Variants in CSGALNACT1 observed in about 807,000 individuals in gnomAD.
CSGALNACT1 encodes the protein beta4GalNAcT-1.
CSGALNACT1 carries 52 observed loss-of-function variants against 51.0 expected under a neutral mutation model. The ratio of observed to expected loss-of-function variants is 1.02; its 90% CI spans 0.82 to 1.29. CSGALNACT1 has a LOEUF of 1.29. CSGALNACT1 is among the 50% of genes most tolerant of loss of function. The pLI, the probability that CSGALNACT1 is intolerant of heterozygous loss-of-function variation, is 0.00. For synonymous variants in CSGALNACT1, 341 were observed against 254.4 expected (o/e 1.34, Z -3.24); for missense variants, 935 against 679.2 (o/e 1.38, Z -4.19).
chr8:19,475,378 G>T (rs1247645511), intron 4 of CSGALNACT1, among the ~76,000 whole-genome samples: 12 of 152,114 alleles, frequency 7.9e-5, no homozygotes, highest in Non-Finnish European at 1.8e-4. Flanking sequence ...ATCTTGGTTT[G>T]GTGGTTTGCT....
At chr8:19,414,440 G>T (rs559657328) in intron 8 of CSGALNACT1, among the ~76,000 whole-genome samples, 1 of 152,094 alleles carries the variant, frequency 6.6e-6, no homozygotes, top group Non-Finnish European at 1.5e-5. Context: ...CTTTCTCAGC[G>T]AACTGTTTCT....
chr8:19,510,305 T>C (rs2078223277), intron 3 of CSGALNACT1, among the ~76,000 whole-genome samples: 1 of 152,180 alleles, frequency 6.6e-6, no homozygotes, highest in African/African-American at 2.4e-5. Flanking sequence ...GGCTTCTTCA[T>C]GGTCTTCTGT....
chr8:19,492,916 C>A (rs2074666881), intron 4 of CSGALNACT1, among the ~76,000 whole-genome samples: 1 of 152,052 alleles, frequency 6.6e-6, no homozygotes, highest in Non-Finnish European at 1.5e-5. Context: ...AGTCTTCTTT[C>A]TTTTAGTTTG....
At chr8:19,497,600 G>A (rs770718656) in intron 4 of CSGALNACT1, among the ~76,000 whole-genome samples, 33 of 152,094 alleles carry the variant, frequency 2.2e-4, no homozygotes, top group Non-Finnish European at 2.8e-4. Context: ...CAATTATATG[G>A]GTCACTTCTG....
intron 1 of CSGALNACT1, among the ~76,000 whole-genome samples, chr8:19,663,597 T>G (rs2058947951): frequency 6.6e-6 from 1 of 152,210 alleles, no homozygotes; most frequent in Non-Finnish European, 1.5e-5. Flanking sequence ...TGGTACCTCC[T>G]TAAGCTTCAA....
intron 6 of CSGALNACT1, among the ~76,000 whole-genome samples, chr8:19,432,404 A>G (rs2059772987): frequency 6.6e-6 from 1 of 152,144 alleles, no homozygotes. Context: ...TATAAGTTTA[A>G]TGTGGATTTC....
rs572917956 is a variant in CSGALNACT1 at position 19,589,079 on chromosome 8, G to A, written c.-297+2081C>T. Among the ~76,000 whole-genome samples, 25 of 152,272 alleles carry A rather than the reference G, an allele frequency of 1.6e-4. 1 individual carries two copies. The South Asian group carries it at 5.2e-3, about 32-fold the overall frequency. On this transcript the variant is annotated intron_variant, in intron 3 of 9. Transcript: ENST00000454498. ...TTGACAGCAAAGATCGGCTGACTAT[G>A]TTTGTGGTCCTTTCCCATATGCCAT...
intron 5 of CSGALNACT1, chr8:19,457,637 C>G: frequency 7.9e-7 from 1 of 1,272,788 alleles, no homozygotes; most frequent in Non-Finnish European, 1.0e-6. Flanking sequence ...AAAAAATCAG[C>G]TTGATCTTTC....
At chr8:19,547,057 C>T (rs2086642823) in intron 3 of CSGALNACT1, among the ~76,000 whole-genome samples, 1 of 152,196 alleles carries the variant, frequency 6.6e-6, no homozygotes, top group Admixed American at 6.5e-5. Flanking sequence ...AGTAGACTCT[C>T]CTGGGTTTTC....
At chr8:19,506,011 C>A (rs1015709085) in exon 4 of CSGALNACT1, 3 of 733,144 alleles carry the variant, frequency 4.1e-6, no homozygotes, top group Non-Finnish European at 7.2e-6. Context: ...CACAGAGCAG[C>A]TTCTCTACTT....
At chr8:19,568,272 C>A (rs1227312258) in intron 3 of CSGALNACT1, among the ~76,000 whole-genome samples, 1 of 152,072 alleles carries the variant, frequency 6.6e-6, no homozygotes, top group Non-Finnish European at 1.5e-5. Flanking sequence ...AGGCTGTAAA[C>A]CTGTAAAGCA....
intron 1 of CSGALNACT1, among the ~76,000 whole-genome samples, chr8:19,675,942 G>C (rs1208733164): frequency 6.6e-6 from 1 of 152,020 alleles, no homozygotes; most frequent in African/African-American, 2.4e-5. Context: ...GTAATCCCTG[G>C]TGATACAATT....
Position 19,723,228 on chromosome 8 carries a change from T to C in CSGALNACT1, c.-297+34622A>G, listed in dbSNP as rs76635728. 9.1e-3 allele frequency among the ~76,000 whole-genome samples: 1,386 copies of C among 152,304 alleles called. 26 individuals carry two copies. Among genetic ancestry groups the C allele is most frequent in the African/African-American group, 0.032 (1,335 of 41,568 alleles). The stretch of plus-strand genomic sequence containing the variant: ...TTCCCTTATTTTCAAGCCCTTATAT[T>C]TGAAGGAACTTATATTTGGGGTATA... On this transcript the variant is annotated intron_variant, in intron 1 of 1. Transcript: ENST00000517494.
chr8:19,415,352 A>T (rs1179337348), intron 8 of CSGALNACT1, among the ~76,000 whole-genome samples: 1 of 152,226 alleles, frequency 6.6e-6, no homozygotes, highest in Non-Finnish European at 1.5e-5. Flanking sequence ...GGAGTCCTTC[A>T]TCTCAAGGAG....
chr8:19,438,648 C>A (rs1028070464), intron 6 of CSGALNACT1, among the ~76,000 whole-genome samples: 1 of 152,174 alleles, frequency 6.6e-6, no homozygotes, highest in East Asian at 1.9e-4. Flanking sequence ...TTTGTGGTGA[C>A]TACTCAGCTG....
chr8:19,656,836 G>T (rs10888167), intron 1 of CSGALNACT1, among the ~76,000 whole-genome samples: 1 of 151,794 alleles, frequency 6.6e-6, no homozygotes, highest in Non-Finnish European at 1.5e-5. Flanking sequence ...GGGAGGCCAA[G>T]GCGCGTGGAT....
intron 4 of CSGALNACT1, among the ~76,000 whole-genome samples, chr8:19,463,495 A>G (rs1269798758): frequency 6.6e-6 from 1 of 152,178 alleles, no homozygotes; most frequent in African/African-American, 2.4e-5. Flanking sequence ...GGAACAGAGC[A>G]AACTTGGGCA....
chr8:19,742,658 G>GA (rs917768718), intron 1 of CSGALNACT1, among the ~76,000 whole-genome samples: 1 of 152,192 alleles, frequency 6.6e-6, no homozygotes, highest in African/African-American at 2.4e-5. Flanking sequence ...ATATGCCAAT[G>GA]AAAAAATATC....
intron 4 of CSGALNACT1, among the ~76,000 whole-genome samples, chr8:19,479,687 G>A (rs986210200): frequency 6.6e-6 from 1 of 151,418 alleles, no homozygotes; most frequent in East Asian, 1.9e-4. Flanking sequence ...CGACTGTTAG[G>A]ATTCCTCATT....
Sources: gnomAD v4.1 joint callset for allele counts (sites outside exome capture counted in the v4.1 genomes callset) on GRCh38, gnomAD v4.1.1 for gene constraint, MANE v1.5 for transcripts, NCBI Gene and HGNC (gene_info 2026-07-23, HGNC 2026-07-21) for gene names.